PALM2AKAP2: variants seen among roughly 807,000 people sequenced by gnomAD.
The protein encoded by PALM2AKAP2 is PALM2 and AKAP2 fusion.
A neutral mutation model predicts 71.5 loss-of-function variants in PALM2AKAP2; 37 were observed. That is an observed-to-expected ratio of 0.52 (90% CI 0.40 to 0.68). PALM2AKAP2 has a LOEUF of 0.68. PALM2AKAP2 is among the 30% of genes least tolerant of loss of function. The probability of loss-of-function intolerance (pLI) is 0.00; values close to 1 mark genes in which losing one functional copy is unlikely to be tolerated. For missense variants in PALM2AKAP2, 1,224 were observed against 1,191.8 expected (o/e 1.03, Z -0.40); for synonymous variants, 468 against 478.8 (o/e 0.98, Z 0.29).
In PALM2AKAP2 at chr9:109,765,888, C is replaced by T. The variant is rs1829143152; in HGVS notation, c.6-14600C>T. 2.0e-5 allele frequency among the ~76,000 whole-genome samples: 3 copies of T among 152,160 alleles called. No homozygotes were observed. In the South Asian group the frequency reaches 6.2e-4, roughly 32 times the overall value. ...AACCTCCTGAGCCTGAGATGCAATG[C>T]ACAACATGGTCGGGGACTTGGTATC... On this transcript the variant is annotated intron_variant, in intron 1 of 6. Coordinates refer to the PALM2AKAP2 transcript ENST00000374531.
At chr9:110,018,250 G>A (rs188340268) in intron 7 of PALM2AKAP2, among the ~76,000 whole-genome samples, 126 of 152,280 alleles carry the variant, frequency 8.3e-4, no homozygotes, top group African/African-American at 2.9e-3. Flanking sequence ...ACCCCAGGAA[G>A]ATTTTTCATC....
At chr9:110,011,254 T>A (rs866916792) in intron 6 of PALM2AKAP2, among the ~76,000 whole-genome samples, 110 of 149,738 alleles carry the variant, frequency 7.3e-4, no homozygotes, top group Middle Eastern at 3.5e-3. Flanking sequence ...TATATACTTT[T>A]TTCCCCAAGT....
intron 1 of PALM2AKAP2, among the ~76,000 whole-genome samples, chr9:109,712,546 T>C (rs999840198): frequency 6.6e-6 from 1 of 152,242 alleles, no homozygotes; most frequent in Non-Finnish European, 1.5e-5. Context: ...GTCTTTCATG[T>C]GGTGCCCTAA....
chr9:109,825,417 T>C (rs1335220228), intron 1 of PALM2AKAP2, among the ~76,000 whole-genome samples: 1 of 152,086 alleles, frequency 6.6e-6, no homozygotes, highest in African/African-American at 2.4e-5. Context: ...ACTATCAGAG[T>C]GAACAGGCAG....
chr9:109,674,782 G>T (rs1827625572), intron 1 of PALM2AKAP2, among the ~76,000 whole-genome samples: 1 of 152,004 alleles, frequency 6.6e-6, no homozygotes, highest in Admixed American at 6.6e-5. Flanking sequence ...ACATTTATAA[G>T]AATATGAATA....
rs145034542 is a variant in PALM2AKAP2 at position 110,015,625 on chromosome 9, C to T, written c.497-329C>T. On this transcript the variant is annotated intron_variant, in intron 6 of 9. Coordinates refer to the PALM2AKAP2 transcript ENST00000302798. ...TGGTCTCAATAAATAAATAAATAAACAAACAAATAAATAAAAATGAAAAGA... is the reference window on the plus strand; with the variant it reads ...TGGTCTCAATAAATAAATAAATAAATAAACAAATAAATAAAAATGAAAAGA... Among the ~76,000 whole-genome samples the T allele has an allele frequency of 2.0e-3, 306 of 151,968 alleles. 1 individual carries two copies. The highest frequency in any genetic ancestry group is 6.6e-3 in the African/African-American group (275 of 41,402).
rs538951599 is a variant in PALM2AKAP2, at chr9:110,162,358, C to T, written c.2748+5861C>T. ...GGTTTGCTGTGCTGTGCTGTGGGGGCGAGTGGGAGGGTACTGGGGAAGACC... is the reference window on the plus strand; with the variant it reads ...GGTTTGCTGTGCTGTGCTGTGGGGGTGAGTGGGAGGGTACTGGGGAAGACC... On this transcript the variant is annotated intron_variant, in intron 3 of 3. Coordinates refer to ENST00000374525, the Ensembl canonical transcript of PALM2AKAP2. Among the ~76,000 whole-genome samples the T allele has an allele frequency of 2.3e-4, 35 of 152,152 alleles. 1 individual carries two copies. In the South Asian group the frequency reaches 5.6e-3, roughly 24 times the overall value.
chr9:109,954,492 A>C (rs1341586246), intron 6 of PALM2AKAP2, among the ~76,000 whole-genome samples: 2 of 116,392 alleles, frequency 1.7e-5, no homozygotes, highest in Non-Finnish European at 3.3e-5. Context: ...GGAATATCAC[A>C]CTCTGGGGAC....
At chr9:109,819,752 CT>C (rs1827947081) in intron 1 of PALM2AKAP2, among the ~76,000 whole-genome samples, 1 of 151,578 alleles carries the variant, frequency 6.6e-6, no homozygotes, top group Non-Finnish European at 1.5e-5. Context: ...GTATTAAGCT[CT>C]TTTTCCTTTC....
At chr9:110,016,019 G>T (rs781609321) in exon 7 of PALM2AKAP2, 1 of 1,613,794 alleles carries the variant, frequency 6.2e-7, no homozygotes, top group African/African-American at 1.3e-5. Context: ...AGAAACATCC[G>T]GCCCAGACAT....
chr9:109,992,839 C>T (rs1412563323), intron 6 of PALM2AKAP2, among the ~76,000 whole-genome samples: 1 of 151,836 alleles, frequency 6.6e-6, no homozygotes, highest in East Asian at 1.9e-4. Flanking sequence ...CTTGGGAAGA[C>T]CACACAGTCT....
intron 1 of PALM2AKAP2, among the ~76,000 whole-genome samples, chr9:109,792,498 T>C (rs78810937): frequency 0.015 from 2,359 of 152,208 alleles, 63 homozygotes; most frequent in African/African-American, 0.054. Flanking sequence ...ATCACTGGTA[T>C]ACTCAGGCAA....
intron 1 of PALM2AKAP2, chr9:110,090,139 C>T (rs1026027642): frequency 2.3e-5 from 7 of 298,356 alleles, no homozygotes; most frequent in East Asian, 8.6e-5. Flanking sequence ...ACCTTTGAAC[C>T]GGAGAAGTCG....
At chr9:110,064,240 C>T (rs541667615) in intron 1 of PALM2AKAP2, among the ~76,000 whole-genome samples, 18 of 152,214 alleles carry the variant, frequency 1.2e-4, no homozygotes, top group South Asian at 8.3e-4. Flanking sequence ...TGGAAGTAAA[C>T]GAAGACATTG....
At chr9:109,751,745 A>T (rs1449788176) in intron 1 of PALM2AKAP2, among the ~76,000 whole-genome samples, 1 of 152,182 alleles carries the variant, frequency 6.6e-6, no homozygotes, top group African/African-American at 2.4e-5. Flanking sequence ...GGCCGTTCAA[A>T]AATGTCATCT....
At chr9:109,910,172 G>T (rs145847592) in intron 3 of PALM2AKAP2, among the ~76,000 whole-genome samples, 1 of 152,346 alleles carries the variant, frequency 6.6e-6, no homozygotes, top group East Asian at 1.9e-4. Context: ...GATAGTAAGC[G>T]AGGGTCAAGC....
chr9:109,746,644 C>T (rs567227022), intron 1 of PALM2AKAP2, among the ~76,000 whole-genome samples: 1 of 152,190 alleles, frequency 6.6e-6, no homozygotes, highest in East Asian at 1.9e-4. Flanking sequence ...AATGATATCC[C>T]CAGGAGGTGG....
At chr9:109,893,072 G>T (rs1224248263) in intron 3 of PALM2AKAP2, among the ~76,000 whole-genome samples, 1 of 152,186 alleles carries the variant, frequency 6.6e-6, no homozygotes, top group East Asian at 1.9e-4. Flanking sequence ...GTCCAAGGGT[G>T]CCTTGGAGGG....
chr9:109,691,833 G>GAGATATATATATAT (rs1435538407), intron 1 of PALM2AKAP2, among the ~76,000 whole-genome samples: 1 of 36,042 alleles, frequency 2.8e-5, no homozygotes, highest in African/African-American at 1.1e-4. Context: ...CCAGAAAGAC[G>GAGATATATATATAT]ATATATATAT....
Sources: gnomAD v4.1 joint callset for allele counts (sites outside exome capture counted in the v4.1 genomes callset) on GRCh38, gnomAD v4.1.1 for gene constraint, MANE v1.5 for transcripts, NCBI Gene and HGNC (gene_info 2026-07-23, HGNC 2026-07-21) for gene names.